MACROD1: variants seen among roughly 807,000 people sequenced by gnomAD.
The protein encoded by MACROD1 is mono-ADP ribosylhydrolase 1.
A neutral mutation model predicts 41.4 loss-of-function variants in MACROD1; 31 were observed. The ratio of observed to expected loss-of-function variants is 0.75; its 90% confidence interval spans 0.56 to 1.01. MACROD1 has a LOEUF of 1.01. MACROD1 is among the 50% of genes least tolerant of loss of function. The pLI, the probability that MACROD1 is intolerant of heterozygous loss-of-function variation, is 0.00. For synonymous variants in MACROD1, 252 were observed against 203.4 expected (o/e 1.24, Z -2.03); for missense variants, 473 against 460.0 (o/e 1.03, Z -0.26).
At chr11:64,158,183 G>C (rs972936607) in intron 1 of MACROD1, among the ~76,000 whole-genome samples, 2 of 152,162 alleles carry the variant, frequency 1.3e-5, no homozygotes, top group Non-Finnish European at 2.9e-5. Context: ...TGTGAGGCTG[G>C]AGCGTAGCAG....
At position 64,119,590 on chromosome 11, in the gene MACROD1, A is replaced by G. The variant is rs368508175; in HGVS notation, c.517+31649T>C. ...GCTCAAACAAAGCCCAGAAAAAGAC[A>G]CAAAAATTCTCGAAAAAGCCCTGGG... is the stretch of plus-strand genomic sequence containing the variant. On this transcript the variant is annotated intron_variant, in intron 3 of 10. Transcript: ENST00000255681. 8.5e-5 allele frequency among the ~76,000 whole-genome samples: 13 copies of G among 152,136 alleles called. No individual in the cohort carries two copies. In the East Asian group the frequency reaches 2.3e-3, roughly 27 times the overall value.
chr11:64,123,729 G>A (rs946519546), intron 3 of MACROD1, among the ~76,000 whole-genome samples: 5 of 152,150 alleles, frequency 3.3e-5, no homozygotes, highest in South Asian at 4.1e-4. Flanking sequence ...CTCTAGAGCC[G>A]TGGGCTTTTC....
At chr11:64,143,242 C>A (rs1020129097) in intron 3 of MACROD1, among the ~76,000 whole-genome samples, 1 of 152,162 alleles carries the variant, frequency 6.6e-6, no homozygotes, top group Non-Finnish European at 1.5e-5. Context: ...ACCTGATGGT[C>A]TCTCTCTTAA....
chr11:64,163,386 C>T (rs1945786379), intron 1 of MACROD1, among the ~76,000 whole-genome samples: 2 of 152,220 alleles, frequency 1.3e-5, no homozygotes, highest in African/African-American at 4.8e-5. Context: ...ATTTCCCTCT[C>T]CTGGAGTATG....
Position 64,152,306 on chromosome 11 carries a change from T to C in MACROD1, c.386A>G (p.Lys129Arg). Residue 129 changes from lysine to arginine, a missense_variant, in exon 2 of 11, where the codon AAG (lysine) becomes AGG (arginine). Lys to Arg is a conservative substitution (Grantham distance 26). Transcript: ENST00000255681. ...FVRLKKIPTW[K>R]EMAKGVAVKV... ...GCAGGGCCTACCTTTCGCCATCTCCTTCCATGTCGGGATCTTCTTCAGCCT... is the reference window on the plus strand; with the variant it reads ...GCAGGGCCTACCTTTCGCCATCTCCCTCCATGTCGGGATCTTCTTCAGCCT... 6.2e-7 allele frequency: 1 copy of C among 1,614,208 alleles called. No homozygotes were observed.
chr11:64,127,495 G>A (rs1945203888), intron 3 of MACROD1, among the ~76,000 whole-genome samples: 1 of 152,134 alleles, frequency 6.6e-6, no homozygotes, highest in African/African-American at 2.4e-5. Context: ...TTCTTGGGGT[G>A]CCCTGGCTCG....
intron 3 of MACROD1, among the ~76,000 whole-genome samples, chr11:64,031,948 G>A (rs542156493): frequency 6.2e-4 from 95 of 152,254 alleles, no homozygotes; most frequent in Non-Finnish European, 1.3e-3. Flanking sequence ...TGATACCCAG[G>A]CTGGGGCCTG....
In MACROD1 at chr11:64,067,788, T is replaced by C. The variant is rs974097443; in HGVS notation, c.518-52507A>G. Reference sequence around the variant, plus strand: ...TGGCCCCAGAGCTGTTTGTTTTCCCTGACTGAGGGGCGGCTGTGCCACCCC... The same window carrying C: ...TGGCCCCAGAGCTGTTTGTTTTCCCCGACTGAGGGGCGGCTGTGCCACCCC... On this transcript the variant is annotated intron_variant, in intron 3 of 10. Transcript: ENST00000255681. The surrounding 1 kb of genome is among the most constrained non-coding windows in gnomAD (Gnocchi z 4.6). Among the ~76,000 whole-genome samples the C allele has an allele frequency of 4.6e-5, 7 of 152,092 alleles. No individual in the cohort carries two copies. Among genetic ancestry groups the C allele is most frequent in the Non-Finnish European group, 7.4e-5 (5 of 68,008 alleles).
Position 63,998,616 on chromosome 11 carries a change from G to A in MACROD1, c.*102C>T. The stretch of plus-strand genomic sequence containing the variant: ...GGCGGGGCGCGGAGGGAAAGAAGGG[G>A]TGGCCAGGCCCAGGCCAGGCTGCAG... On this transcript the variant is annotated 3_prime_UTR_variant, in exon 11 of 11. Coordinates refer to ENST00000255681, the MANE Select transcript of MACROD1 (RefSeq NM_014067.4). The A allele has an allele frequency of 7.8e-7, 1 of 1,284,620 alleles. No homozygotes were observed. The highest frequency in any genetic ancestry group is 9.8e-7 in the Non-Finnish European group (1 of 1,018,172). The allele number at this position is 1,284,620 out of a possible 1,614,324, so 79.6% of individuals were successfully genotyped here.
intron 3 of MACROD1, among the ~76,000 whole-genome samples, chr11:64,071,502 C>T (rs980695929): frequency 6.6e-5 from 10 of 152,286 alleles, no homozygotes; most frequent in Admixed American, 3.9e-4. Flanking sequence ...TTGGCCAGCT[C>T]GCCCAGGAGT....
In MACROD1 at chr11:64,074,215, C is replaced by A. The variant is rs180745972; in HGVS notation, c.518-58934G>T. On this transcript the variant is annotated intron_variant, in intron 3 of 10. Coordinates refer to ENST00000255681, the MANE Select transcript of MACROD1 (RefSeq NM_014067.4). ...CCGAGGCAGAGAGAAAGGAGGGCTTCCCCCAAGGCCCCAGAATGCAGTTCG... is the reference window on the plus strand; with the variant it reads ...CCGAGGCAGAGAGAAAGGAGGGCTTACCCCAAGGCCCCAGAATGCAGTTCG... Among the ~76,000 whole-genome samples, 4 of 152,340 alleles carry A rather than the reference C, an allele frequency of 2.6e-5. No homozygotes were observed. The East Asian group carries it at 7.7e-4, about 29-fold the overall frequency.
chr11:64,074,191 C>T (rs535094050), intron 3 of MACROD1, among the ~76,000 whole-genome samples: 17 of 152,298 alleles, frequency 1.1e-4, no homozygotes, highest in South Asian at 6.2e-4. Flanking sequence ...ATGGGGAAAC[C>T]GAGGCAGAGA....
intron 3 of MACROD1, among the ~76,000 whole-genome samples, chr11:64,029,086 C>G (rs1390621184): frequency 1.3e-5 from 2 of 152,254 alleles, no homozygotes; most frequent in African/African-American, 4.8e-5. Flanking sequence ...GTGGCCTTAG[C>G]TTTATTGGCA....
chr11:64,137,413 A>G (rs1430575975), intron 3 of MACROD1, among the ~76,000 whole-genome samples: 1 of 152,196 alleles, frequency 6.6e-6, no homozygotes, highest in Non-Finnish European at 1.5e-5. Context: ...AAAATGAAGA[A>G]AAAAGGCCAA....
chr11:64,043,968 C>G (rs375472896), intron 3 of MACROD1, among the ~76,000 whole-genome samples: 2 of 152,070 alleles, frequency 1.3e-5, no homozygotes, highest in Non-Finnish European at 2.9e-5. Flanking sequence ...TGCCCGCCAC[C>G]ACGCCGGGCT....
At chr11:64,100,589 C>T (rs1399852955) in intron 3 of MACROD1, among the ~76,000 whole-genome samples, 3 of 152,086 alleles carry the variant, frequency 2.0e-5, no homozygotes, top group African/African-American at 7.2e-5. Context: ...GTCTGCCAGG[C>T]GCACGCATTT....
chr11:64,151,718 GCAGCTTCAAACCC>G (rs1945581727), intron 2 of MACROD1, among the ~76,000 whole-genome samples: 1 of 152,120 alleles, frequency 6.6e-6, no homozygotes, highest in Admixed American at 6.6e-5. Flanking sequence ...CAACCAAATC[GCAGCTTCAAACCC>G]CAGCTCCCCA....
At chr11:64,113,007 T>G (rs1483551057) in intron 3 of MACROD1, among the ~76,000 whole-genome samples, 1 of 152,290 alleles carries the variant, frequency 6.6e-6, no homozygotes. Context: ...TTTGGTGACA[T>G]GAAAACACCA....
At chr11:64,088,976 G>A (rs577772386) in intron 3 of MACROD1, among the ~76,000 whole-genome samples, 2 of 152,296 alleles carry the variant, frequency 1.3e-5, no homozygotes, top group South Asian at 4.1e-4. Flanking sequence ...AGGAGGCAGA[G>A]GTTACCAGAC....
Sources: gnomAD v4.1 joint callset for allele counts (sites outside exome capture counted in the v4.1 genomes callset) on GRCh38, gnomAD v4.1.1 for gene constraint, Gnocchi (gnomAD v3.1) non-coding constraint, MANE v1.5 for transcripts, NCBI Gene and HGNC (gene_info 2026-07-23, HGNC 2026-07-21) for gene names.